Variants in INSRR observed in about 807,000 individuals in gnomAD.
INSRR encodes insulin receptor-related protein.
INSRR carries 114 observed loss-of-function variants against 130.0 expected under a neutral mutation model. The ratio of observed to expected loss-of-function variants is 0.88; its 90% CI spans 0.75 to 1.02. The LOEUF (loss-of-function observed/expected upper bound fraction) is 1.02. Ranked by LOEUF, INSRR falls within the 50% of genes least tolerant of loss-of-function variation. The pLI is 0.00. For missense variants in INSRR, 1,657 were observed against 1,735.2 expected (o/e 0.95, Z 0.80); for synonymous variants, 674 against 705.2 (o/e 0.96, Z 0.70).
Position 156,841,713 on chromosome 1 carries a change from G to C in INSRR, c.3479C>G (p.Ala1160Gly). 1 of 1,614,142 alleles carries C rather than the reference G, an allele frequency of 6.2e-7. No individual in the cohort carries two copies. The highest frequency in any genetic ancestry group is 1.7e-5 in the Admixed American group (1 of 60,018). The change falls in exon 20 of 22, where the codon GCC becomes GGC. Residue 1160 changes from alanine (A) to glycine (G), a missense_variant. By Grantham distance (60) the Ala-to-Gly change is moderately conservative (BLOSUM62 0). Coordinates refer to ENST00000368195, the MANE Select transcript of INSRR (RefSeq NM_014215.3). ...GATCCCATCTTTGAGGGACTCGGGG[G>C]CCATCCAGCGCACGGGCAGCAGCCC... ...GKGLLPVRWM[A>G]PESLKDGIFT... is the part of the protein sequence containing the mutation.
chr1:156,841,119 G>A lies in INSRR; in HGVS notation c.3663-15C>T, dbSNP rs1469122574. ...TCAGCTCCTGCCTGGTGGGTGTGGGGAGCAGGGTCAGAGGCATCCGGGAGC... is the reference window on the plus strand; with the variant it reads ...TCAGCTCCTGCCTGGTGGGTGTGGGAAGCAGGGTCAGAGGCATCCGGGAGC... On this transcript the variant is annotated splice_polypyrimidine_tract_variant and intron_variant, in intron 21 of 21. Coordinates refer to ENST00000368195, the MANE Select transcript of INSRR (RefSeq NM_014215.3). 27 of 1,549,688 alleles carry A rather than the reference G, an allele frequency of 1.7e-5. No individual in the cohort carries two copies. The highest frequency in any genetic ancestry group is 9.7e-5 in the East Asian group (4 of 41,072).
chr1:156,850,192 G>A (rs1301818980), intron 5 of INSRR, among the ~76,000 whole-genome samples: 1 of 151,978 alleles, frequency 6.6e-6, no homozygotes, highest in East Asian at 1.9e-4. Flanking sequence ...ACGAGCCACC[G>A]CATCTGGCCT....
chr1:156,846,485 G>A lies in INSRR; in HGVS notation c.1810+34C>T, dbSNP rs368553257. The A allele has an allele frequency of 1.3e-4, 206 of 1,539,854 alleles. 2 individuals carry two copies. The highest frequency in any genetic ancestry group is 6.7e-4 in the South Asian group (60 of 89,014). On this transcript the variant is annotated intron_variant, in intron 8 of 21. Transcript: ENST00000368195. The stretch of plus-strand genomic sequence containing the variant: ...CTCCCCTGTTCTCATGGATGCAGGC[G>A]TCTGACTGACTCTTGCACCCTCCAA...
At chr1:156,849,220 C>T (rs761992930) in intron 6 of INSRR, 26 bp downstream of exon 6, 2 of 1,611,014 alleles carry the variant, frequency 1.2e-6, no homozygotes, top group South Asian at 2.2e-5. Flanking sequence ...GCCGCGTGTC[C>T]ACCGGCACTG....
chr1:156,848,151 G>A (rs1479168278), intron 7 of INSRR, among the ~76,000 whole-genome samples: 1 of 152,130 alleles, frequency 6.6e-6, no homozygotes, highest in African/African-American at 2.4e-5. Context: ...AGACCTAGGA[G>A]GGTCTCGGCC....
rs372925887 is a variant in INSRR at position 156,852,846 on chromosome 1, A to G, written c.638-655T>C. On this transcript the variant is annotated intron_variant, in intron 2 of 21. Coordinates refer to ENST00000368195, the MANE Select transcript of INSRR (RefSeq NM_014215.3). ...CTGTGTTTACAGCCAACAGGGAGGCATCAGGGAGGTGGGGTGCAGCCGATA... is the reference window on the plus strand; with the variant it reads ...CTGTGTTTACAGCCAACAGGGAGGCGTCAGGGAGGTGGGGTGCAGCCGATA... Among the ~76,000 whole-genome samples the G allele has an allele frequency of 1.2e-4, 19 of 152,284 alleles. No individual in the cohort carries two copies. The South Asian group carries it at 2.1e-3, about 17-fold the overall frequency.
intron 21 of INSRR, 136 bp from the exon 22 acceptor site, chr1:156,841,240 G>A: frequency 2.1e-6 from 2 of 954,646 alleles, no homozygotes; most frequent in Non-Finnish European, 1.6e-6. Flanking sequence ...GGATTAAATG[G>A]GAGTCTTGGG....
In INSRR at chr1:156,851,682, C is replaced by A; in HGVS notation, c.1048G>T (p.Val350Leu). The A allele has an allele frequency of 4.3e-6, 7 of 1,614,220 alleles. No individual in the cohort carries two copies. Among genetic ancestry groups the A allele is most frequent in the Non-Finnish European group, 5.1e-6 (6 of 1,180,026 alleles). ...AGGTTGAGGATGAGGCTTCCCTCCA[C>A]ATGCGTGCAGCCCACAAGATCCTGT... is the stretch of plus-strand genomic sequence containing the variant. ...AAQDLVGCTH[V>L]EGSLILNLRQ... The change falls in exon 4 of 22, where the codon GTG becomes TTG. Residue 350 changes from valine (V) to leucine (L), a missense_variant. By Grantham distance (32) the Val-to-Leu change is conservative (BLOSUM62 1). Transcript: ENST00000368195.
intron 5 of INSRR, among the ~76,000 whole-genome samples, chr1:156,849,698 G>C (rs1655136804): frequency 1.3e-5 from 2 of 152,098 alleles, no homozygotes; most frequent in Admixed American, 6.5e-5. Flanking sequence ...GTGAAATGGG[G>C]TCCTCAGCTT....
chr1:156,843,563 A>C, intron 15 of INSRR, 84 bp from the exon 16 acceptor site: 1 of 1,401,080 alleles, frequency 7.1e-7, no homozygotes, highest in South Asian at 1.2e-5. Context: ...AGGACATTTC[A>C]AGGAGGAGGG....
chr1:156,848,492 C>T (rs1021112510), intron 7 of INSRR, among the ~76,000 whole-genome samples: 2 of 152,198 alleles, frequency 1.3e-5, no homozygotes, highest in Non-Finnish European at 2.9e-5. Context: ...CAGCTGTGGT[C>T]CCTGGCGGCC....
In INSRR at chr1:156,852,206, G is replaced by A. The variant is rs972878496; in HGVS notation, c.638-15C>T. The stretch of plus-strand genomic sequence containing the variant: ...GCAGGGGCACACTGTGGGGAGAGTG[G>A]TGTGTTAGACGTTGGCCATGCCCCC... On this transcript the variant is annotated splice_polypyrimidine_tract_variant and intron_variant, in intron 2 of 21. Coordinates refer to ENST00000368195, the MANE Select transcript of INSRR (RefSeq NM_014215.3). The A allele has an allele frequency of 6.3e-7, 1 of 1,575,018 alleles. No individual in the cohort carries two copies. The highest frequency in any genetic ancestry group is 8.6e-7 in the Non-Finnish European group (1 of 1,157,602).
chr1:156,858,711 C>T lies in INSRR; in HGVS notation c.-90G>A, dbSNP rs1171061803. 1.8e-6 allele frequency: 2 copies of T among 1,104,776 alleles called. No homozygotes were observed. The highest frequency in any genetic ancestry group is 3.1e-5 in the African/African-American group (2 of 65,038). 68.4% of individuals were successfully genotyped at this position (1,104,776 alleles called of 1,614,324 possible). A position where few individuals can be genotyped will look rare whatever the true frequency, so the allele number is the denominator to read the frequency against. ...GATAAGCCCTAAGGGACACAGAGAC[C>T]AGGGTTCAGATAGGAGAGGGAGGGC... is the stretch of plus-strand genomic sequence containing the variant. On this transcript the variant is annotated 5_prime_UTR_variant, in exon 1 of 22. Coordinates refer to ENST00000368195, the MANE Select transcript of INSRR (RefSeq NM_014215.3).
chr1:156,851,683 A>C lies in INSRR; in HGVS notation c.1047T>G (p.His349Gln). 1.2e-6 allele frequency: 2 copies of C among 1,614,202 alleles called. No homozygotes were observed. The highest frequency in any genetic ancestry group is 2.2e-5 in the South Asian group (2 of 91,080). The change falls in exon 4 of 22, where the codon CAT (histidine) becomes CAG (glutamine). Residue 349 changes from histidine (H) to glutamine (Q), a missense_variant. His to Gln is a conservative substitution (Grantham distance 24). Coordinates refer to ENST00000368195, the MANE Select transcript of INSRR (RefSeq NM_014215.3). ...QAAQDLVGCT[H>Q]VEGSLILNLR... ...GGTTGAGGATGAGGCTTCCCTCCACATGCGTGCAGCCCACAAGATCCTGTG... is the reference window on the plus strand; with the variant it reads ...GGTTGAGGATGAGGCTTCCCTCCACCTGCGTGCAGCCCACAAGATCCTGTG...
chr1:156,854,984 T>C lies in INSRR; in HGVS notation c.86-681A>G, dbSNP rs1403205284. Among the ~76,000 whole-genome samples the C allele has an allele frequency of 6.6e-6, 1 of 152,200 alleles. No homozygotes were observed. The highest frequency in any genetic ancestry group is 2.4e-5 in the African/African-American group (1 of 41,438). On this transcript the variant is annotated intron_variant, in intron 1 of 21. Transcript: ENST00000368195. This position sits in a 1 kb window ranked among gnomAD's most constrained non-coding sequence, Gnocchi z 4.2. ...ATCCTTTTTATCATCTTCAGCCACA[T>C]TGACTTCTTTGCTTTTCCTTATATG...
Position 156,845,299 on chromosome 1 carries a change from G to A in INSRR, c.2217-3C>T. 1 of 1,612,780 alleles carries A rather than the reference G, an allele frequency of 6.2e-7. No individual in the cohort carries two copies. Among genetic ancestry groups the A allele is most frequent in the Non-Finnish European group, 8.5e-7 (1 of 1,179,348 alleles). On this transcript the variant is annotated splice_region_variant and splice_polypyrimidine_tract_variant and intron_variant, in intron 11 of 21. Transcript: ENST00000368195. ...CCCGGCGGTGCCGCCCTGAGTCCCT[G>A]GGGAGAGCGAGTCAGAGCCAAGGCC...
Position 156,841,488 on chromosome 1 carries a change from C to T in INSRR, c.3568G>A (p.Glu1190Lys), listed in dbSNP as rs780251872. Residue 1190 changes from glutamate to lysine, a missense_variant, in exon 21 of 22, where the codon GAA becomes AAA. Physicochemically the swap from Glu to Lys is moderately conservative, Grantham distance 56. Transcript: ENST00000368195. ...VVLWEIVTLA[E>K]QPYQGLSNEQ... ...TTGGACAGGCCCTGGTAGGGTTGTT[C>T]TGCCAGGGTCACAATCTCCCAGAGT... The T allele has an allele frequency of 6.2e-7, 1 of 1,613,902 alleles. No homozygotes were observed. The highest frequency in any genetic ancestry group is 8.5e-7 in the Non-Finnish European group (1 of 1,179,976).
chr1:156,849,513 G>GGGGGGGGC, intron 5 of INSRR, 53 bp from the exon 6 acceptor site: 1 of 486,122 alleles, frequency 2.1e-6, no homozygotes, highest in Non-Finnish European at 4.1e-6. Flanking sequence ...CAGGGGGTGG[G>GGGGGGGGC]AAAGGGGATG....
At chr1:156,852,347 C>T (rs1315436397) in intron 2 of INSRR, among the ~76,000 whole-genome samples, 156 bp from the exon 3 acceptor site, 1 of 152,260 alleles carries the variant, frequency 6.6e-6, no homozygotes, top group African/African-American at 2.4e-5. Flanking sequence ...CTGTTCCCCT[C>T]CGATGGGATT....
Sources: allele counts gnomAD v4.1 joint callset (sites outside exome capture counted in the v4.1 genomes callset), GRCh38; gene constraint gnomAD v4.1.1; non-coding constraint Gnocchi (gnomAD v3.1); transcripts MANE v1.5; gene names NCBI Gene and HGNC (gene_info 2026-07-23, HGNC 2026-07-21).